Variants in PAGR1 observed in about 807,000 individuals in gnomAD.
PAGR1 encodes the protein PAXIP1-associated glutamate-rich protein 1.
PAGR1 carries 20 observed loss-of-function variants against 22.4 expected under a neutral mutation model. The observed-to-expected ratio is 0.89, with a 90% CI of 0.63 to 1.30. The LOEUF is 1.30. Among genes scored for constraint, PAGR1 ranks in the 50% most tolerant of loss-of-function variants. The probability of loss-of-function intolerance (pLI) is 0.00; values close to 1 mark genes in which losing one functional copy is unlikely to be tolerated. For missense variants in PAGR1, 338 were observed against 343.6 expected (o/e 0.98, Z 0.13); for synonymous variants, 161 against 148.3 (o/e 1.09, Z -0.62).
rs747913019 is a variant in PAGR1, at chr16:29,819,792, C to T, written c.*38C>T. On this transcript the variant is annotated 3_prime_UTR_variant, in exon 3 of 3. Coordinates refer to ENST00000320330, the MANE Select transcript of PAGR1 (RefSeq NM_024516.4). The stretch of plus-strand genomic sequence containing the variant: ...CTGCCTCTAGGGTGCAGTGTCCGTA[C>T]CTGCTGGAGCCTGGGCCCTCCTTCC... 3 of 1,566,130 alleles carry T rather than the reference C, an allele frequency of 1.9e-6. No individual in the cohort carries two copies. The South Asian group carries it at 3.4e-5, about 18-fold the overall frequency.
Position 29,819,887 on chromosome 16 carries a change from A to G in PAGR1, c.*133A>G. 1 of 984,874 alleles carries G rather than the reference A, an allele frequency of 1.0e-6. No homozygotes were observed. Among genetic ancestry groups the G allele is most frequent in the East Asian group, 2.6e-5 (1 of 37,956 alleles). 61.0% of individuals were successfully genotyped at this position (984,874 alleles called of 1,614,324 possible). The stretch of plus-strand genomic sequence containing the variant: ...AGCTCCCAAACAGCACGTTGCGGGA[A>G]AGAGGAAGAGAGAGTGTGAGTGTGT... On this transcript the variant is annotated 3_prime_UTR_variant, in exon 3 of 3. Transcript: ENST00000320330.
Position 29,816,681 on chromosome 16 carries a change from A to G in PAGR1, c.156A>G (p.Gly52=). 6.3e-7 allele frequency: 1 copy of G among 1,596,694 alleles called. No individual in the cohort carries two copies. Among genetic ancestry groups the G allele is most frequent in the African/African-American group, 1.3e-5 (1 of 74,510 alleles). The change falls in exon 1 of 3, where the codon GGA becomes GGG. Residue 52 remains glycine (G), a synonymous_variant. Coordinates refer to ENST00000320330, the MANE Select transcript of PAGR1 (RefSeq NM_024516.4). ...GTAAGGCCGAGGACGAGGGGGAAGGAGGCCGAGAGGAGACCGAGCGTGAGG... is the reference window on the plus strand; with the variant it reads ...GTAAGGCCGAGGACGAGGGGGAAGGGGGCCGAGAGGAGACCGAGCGTGAGG... ...SAGKAEDEGE[G]GREETEREGS...
At chr16:29,817,402 C>T (rs969666283) in intron 2 of PAGR1, 110 bp downstream of exon 2, 1 of 946,852 alleles carries the variant, frequency 1.1e-6, no homozygotes, top group Non-Finnish European at 1.7e-6. Flanking sequence ...ACACAACTTA[C>T]AGCTGCAGGA....
chr16:29,816,348 G>T lies in PAGR1; in HGVS notation c.-178G>T, dbSNP rs1900245971. ...GTACCGAACCTCGATCTCCGGGGCG[G>T]GGTCCTTGGTGGGGACTGAGCGCCC... On this transcript the variant is annotated 5_prime_UTR_variant, in exon 1 of 3. Transcript: ENST00000320330. 2 of 522,098 alleles carry T rather than the reference G, an allele frequency of 3.8e-6. No homozygotes were observed. The highest frequency in any genetic ancestry group is 5.5e-4 in the Middle Eastern group (1 of 1,810). 32.3% of individuals were successfully genotyped at this position (522,098 alleles called of 1,614,324 possible).
Position 29,816,600 on chromosome 16 carries a change from C to T in PAGR1, c.75C>T (p.Thr25=), listed in dbSNP as rs550827638. ...AAPLSEEGEV[T]SGLQALAVED... is the part of the protein sequence containing the mutation. ...CTCTGTCTGAAGAAGGGGAAGTGAC[C>T]TCCGGCCTCCAGGCTCTGGCCGTGG... is the stretch of plus-strand genomic sequence containing the variant. Residue 25 remains threonine (T), a synonymous_variant, in exon 1 of 3, where the codon ACC becomes ACT. Transcript: ENST00000320330. 105 of 1,516,642 alleles carry T rather than the reference C, an allele frequency of 6.9e-5. 1 individual carries two copies. The highest frequency in any genetic ancestry group is 6.9e-4 in the South Asian group (52 of 75,440). The allele number at this position is 1,516,642 out of a possible 1,614,324, so 93.9% of individuals were successfully genotyped here.
Position 29,816,501 on chromosome 16 carries a change from C to T in PAGR1, c.-25C>T, listed in dbSNP as rs1023340277. ...GGCTTCGGACTCCAGTATCTGTCGT[C>T]GCAGGGTCCCTGCCCTAGTGGCCTA... is the stretch of plus-strand genomic sequence containing the variant. On this transcript the variant is annotated 5_prime_UTR_variant, in exon 1 of 3. Coordinates refer to ENST00000320330, the MANE Select transcript of PAGR1 (RefSeq NM_024516.4). 6.8e-7 allele frequency: 1 copy of T among 1,474,610 alleles called. No homozygotes were observed. Among genetic ancestry groups the T allele is most frequent in the Non-Finnish European group, 9.0e-7 (1 of 1,112,450 alleles). The allele number at this position is 1,474,610 out of a possible 1,614,324, so 91.3% of individuals were successfully genotyped here. A position where few individuals can be genotyped will look rare whatever the true frequency, so the allele number is the denominator to read the frequency against.
At chr16:29,817,335 G>C in intron 2 of PAGR1, 43 bp downstream of exon 2, 2 of 1,597,350 alleles carry the variant, frequency 1.3e-6, no homozygotes, top group Non-Finnish European at 1.7e-6. Context: ...GAAGGGCCTC[G>C]GCTCAGTTAC....
At position 29,822,112 on chromosome 16, in the gene PAGR1, A is replaced by G. The variant is rs1357170668; in HGVS notation, c.*2358A>G. On this transcript the variant is annotated 3_prime_UTR_variant, in exon 3 of 3. Transcript: ENST00000320330. ...GTTTTTTTTTTTTTTTTAAAGAATT[A>G]TAGCTCAGTCCTATGATTAGGCAAG... Among the ~76,000 whole-genome samples, 2 of 148,206 alleles carry G rather than the reference A, an allele frequency of 1.3e-5. No individual in the cohort carries two copies. The highest frequency in any genetic ancestry group is 6.7e-5 in the Admixed American group (1 of 14,894).
At position 29,820,520 on chromosome 16, in the gene PAGR1, T is replaced by G. The variant is rs1900349102; in HGVS notation, c.*766T>G. On this transcript the variant is annotated 3_prime_UTR_variant, in exon 3 of 3. Coordinates refer to ENST00000320330, the MANE Select transcript of PAGR1 (RefSeq NM_024516.4). ...ACCTGCACTTCTAGATGTGAGTACA[T>G]TGTACTAGCCCCCCAAACCCCAAAT... The G allele has an allele frequency of 1.3e-5, 2 of 152,234 alleles. No individual in the cohort carries two copies. The highest frequency in any genetic ancestry group is 4.8e-5 in the African/African-American group (2 of 41,438). 9.4% of individuals were successfully genotyped at this position (152,234 alleles called of 1,614,324 possible).
rs571382632 is a variant in PAGR1, at chr16:29,816,518, A to G, written c.-8A>G. The G allele has an allele frequency of 8.0e-6, 12 of 1,498,034 alleles. No homozygotes were observed. Among genetic ancestry groups the G allele is most frequent in the South Asian group, 7.0e-5 (5 of 71,378 alleles). The allele number at this position is 1,498,034 out of a possible 1,614,324, so 92.8% of individuals were successfully genotyped here. A position where few individuals can be genotyped will look rare whatever the true frequency, so the allele number is the denominator to read the frequency against. ...TCTGTCGTCGCAGGGTCCCTGCCCT[A>G]GTGGCCTATGTCCCTTGCTCGGGGC... On this transcript the variant is annotated 5_prime_UTR_variant, in exon 1 of 3. Transcript: ENST00000320330.
intron 2 of PAGR1, chr16:29,818,183 T>C (rs1024701522): frequency 4.6e-5 from 7 of 152,228 alleles, no homozygotes; most frequent in African/African-American, 1.7e-4. Context: ...CTCAGAGTCA[T>C]GCCTTTCCTT....
intron 2 of PAGR1, among the ~76,000 whole-genome samples, chr16:29,818,947 A>C (rs1055739020): frequency 5.9e-5 from 9 of 152,134 alleles, no homozygotes; most frequent in African/African-American, 1.2e-4. Context: ...AGGAGAATCC[A>C]AGCGCTTTTC....
Position 29,816,742 on chromosome 16 carries a change from A to C in PAGR1, c.217A>C (p.Ser73Arg), listed in dbSNP as rs776217162. Residue 73 changes from serine to arginine, a missense_variant, in exon 1 of 3, where the codon AGC (serine) becomes CGC (arginine). Transcript: ENST00000320330. Reference protein sequence around the residue: ...GGEEAQGEVPSAGGEEPAEED... With the variant: ...GGEEAQGEVPRAGGEEPAEED... ...CGAGGAGGCGCAGGGAGAAGTCCCC[A>C]GCGCTGGGGGAGAAGAGCCTGCCGA... 14 of 1,599,660 alleles carry C rather than the reference A, an allele frequency of 8.8e-6. No individual in the cohort carries two copies. Among genetic ancestry groups the C allele is most frequent in the Non-Finnish European group, 2.6e-6 (3 of 1,173,822 alleles).
Position 29,820,870 on chromosome 16 carries a change from C to G in PAGR1, c.*1116C>G, listed in dbSNP as rs1012385079. ...TCTTAGCCCTAGATCGGTGCTTGCT[C>G]TACTCACCTGCACTGTCCTGGGGAC... On this transcript the variant is annotated 3_prime_UTR_variant, in exon 3 of 3. Transcript: ENST00000320330. The G allele has an allele frequency of 6.6e-6, 1 of 152,328 alleles. No individual in the cohort carries two copies. The highest frequency in any genetic ancestry group is 1.5e-5 in the Non-Finnish European group (1 of 68,172). The allele number at this position is 152,328 out of a possible 1,614,324, so 9.4% of individuals were successfully genotyped here.
intron 2 of PAGR1, chr16:29,818,568 C>CT (rs1033910077): frequency 5.9e-5 from 9 of 151,794 alleles, no homozygotes; most frequent in Admixed American, 6.6e-5. Context: ...AATCATATCA[C>CT]TTTTTTTTTC....
chr16:29,816,546 T>C lies in PAGR1; in HGVS notation c.21T>C (p.His7=), dbSNP rs780443230. 9.3e-6 allele frequency: 14 copies of C among 1,510,572 alleles called. No individual in the cohort carries two copies. The highest frequency in any genetic ancestry group is 1.1e-5 in the Non-Finnish European group (12 of 1,131,716). The allele number at this position is 1,510,572 out of a possible 1,614,324, so 93.6% of individuals were successfully genotyped here. The change falls in exon 1 of 3, where the codon CAT becomes CAC. Residue 7 remains histidine (H), a synonymous_variant. Transcript: ENST00000320330. MSLARG[H]GDTAASTAAP... ...GGCCTATGTCCCTTGCTCGGGGCCA[T>C]GGAGACACTGCGGCCAGTACGGCGG...
chr16:29,817,184 C>A (rs1292702708), intron 1 of PAGR1, 26 bp from the exon 2 acceptor site: 2 of 1,613,930 alleles, frequency 1.2e-6, no homozygotes, highest in South Asian at 2.2e-5. Context: ...ACCGCCCTCA[C>A]CCTTAACTAT....
chr16:29,820,215 A>T lies in PAGR1; in HGVS notation c.*461A>T. On this transcript the variant is annotated 3_prime_UTR_variant, in exon 3 of 3. Coordinates refer to ENST00000320330, the MANE Select transcript of PAGR1 (RefSeq NM_024516.4). ...TGGAAAATGAAAGCCAGATGGGTAGAGGTGCCCTCAGTTAGCACCTGTCCC... is the reference window on the plus strand; with the variant it reads ...TGGAAAATGAAAGCCAGATGGGTAGTGGTGCCCTCAGTTAGCACCTGTCCC... The T allele has an allele frequency of 6.5e-6, 1 of 154,888 alleles. No homozygotes were observed. The allele number at this position is 154,888 out of a possible 1,614,324, so 9.6% of individuals were successfully genotyped here.
Position 29,820,727 on chromosome 16 carries a change from AG to A in PAGR1, c.*975del, listed in dbSNP as rs1279361478. On this transcript the variant is annotated 3_prime_UTR_variant, in exon 3 of 3. Coordinates refer to ENST00000320330, the MANE Select transcript of PAGR1 (RefSeq NM_024516.4). ...GGGAGTCTTCTGGGTTTTGAAGTAA[AG>A]GCAGATTAACACCAACACCGGTCCC... Among the ~76,000 whole-genome samples, 1 of 152,082 alleles carries A rather than the reference AG, an allele frequency of 6.6e-6. No individual in the cohort carries two copies. The highest frequency in any genetic ancestry group is 2.4e-5 in the African/African-American group (1 of 41,392).
Sources: gnomAD v4.1 joint callset for allele counts (sites outside exome capture counted in the v4.1 genomes callset) on GRCh38, gnomAD v4.1.1 for gene constraint, MANE v1.5 for transcripts, NCBI Gene and HGNC (gene_info 2026-07-23, HGNC 2026-07-21) for gene names.